ZSCAN5A: variants seen among roughly 807,000 people sequenced by gnomAD.
The protein encoded by ZSCAN5A is zinc finger and SCAN domain containing 5A.
A neutral mutation model predicts 23.7 loss-of-function variants in ZSCAN5A; 12 were observed. That is an observed-to-expected ratio of 0.51 (90% CI 0.32 to 0.82). ZSCAN5A has a LOEUF of 0.82. Among genes scored for constraint, ZSCAN5A ranks in the 40% least tolerant of loss-of-function variants. The pLI is 0.03. For missense variants in ZSCAN5A, 597 were observed against 617.9 expected, an observed-to-expected ratio of 0.97 and a Z score of 0.36; for synonymous variants, 257 against 239.9, an observed-to-expected ratio of 1.07 and a Z score of -0.66.
At chr19:56,250,317 A>C (rs2036248238) in intron 2 of ZSCAN5A, among the ~76,000 whole-genome samples, 1 of 152,206 alleles carries the variant, frequency 6.6e-6, no homozygotes, top group Non-Finnish European at 1.5e-5. Flanking sequence ...CAGGTTTAAA[A>C]AATTTTTCCA....
chr19:56,252,799 TG>T (rs1210052358), intron 2 of ZSCAN5A, among the ~76,000 whole-genome samples: 1 of 152,144 alleles, frequency 6.6e-6, no homozygotes, highest in African/African-American at 2.4e-5. Flanking sequence ...GGCAGCCTTC[TG>T]GGGTCCAGGG....
intron 2 of ZSCAN5A, among the ~76,000 whole-genome samples, chr19:56,244,727 G>C (rs548070693): frequency 3.1e-4 from 47 of 150,460 alleles, no homozygotes; most frequent in African/African-American, 1.1e-3. Flanking sequence ...GAGATGGACA[G>C]GCAGAGGGGG....
At chr19:56,320,975 G>T (rs2041369357) in intron 2 of ZSCAN5A, 9 of 727,672 alleles carry the variant, frequency 1.2e-5, no homozygotes, top group Admixed American at 7.1e-5. Context: ...AGCATTTAGG[G>T]TATCTTCGCC....
rs1158884342 is a variant in ZSCAN5A, at chr19:56,284,222, C to T, written c.-128+29061G>A. On this transcript the variant is annotated intron_variant, in intron 2 of 5. Transcript: ENST00000683990. ...GGGATCATAGGTAAGTACCTTGCCA[C>T]TTCACAATGCCCCCAGACTGTGCAC... 3 of 978,380 alleles carry T rather than the reference C, an allele frequency of 3.1e-6. No individual in the cohort carries two copies. The African/African-American group carries it at 5.3e-5, about 17-fold the overall frequency. 60.6% of individuals were successfully genotyped at this position (978,380 alleles called of 1,614,324 possible). A position where few individuals can be genotyped will look rare whatever the true frequency, so the allele number is the denominator to read the frequency against.
At chr19:56,333,529 C>T (rs563498590) in intron 2 of ZSCAN5A, among the ~76,000 whole-genome samples, 1 of 152,060 alleles carries the variant, frequency 6.6e-6, no homozygotes, top group East Asian at 1.9e-4. Context: ...TTTATCTCTT[C>T]CTTCATTTAC....
intron 2 of ZSCAN5A, among the ~76,000 whole-genome samples, chr19:56,326,809 A>G (rs2147431416): frequency 6.6e-6 from 1 of 152,308 alleles, no homozygotes; most frequent in Non-Finnish European, 1.5e-5. Flanking sequence ...TGCGCTGCTC[A>G]TAATCAATCA....
intron 2 of ZSCAN5A, among the ~76,000 whole-genome samples, chr19:56,285,263 T>C (rs1002635569): frequency 6.6e-6 from 1 of 152,226 alleles, no homozygotes; most frequent in African/African-American, 2.4e-5. Flanking sequence ...ATAAATAGCA[T>C]ATGCACATGG....
rs58270311 is a variant in ZSCAN5A at position 56,230,615 on chromosome 19, ATGTGTG to A, written c.-127-5448_-127-5443del. Among the ~76,000 whole-genome samples the A allele has an allele frequency of 3.6e-3, 532 of 147,660 alleles. 5 individuals carry two copies. Among genetic ancestry groups the A allele is most frequent in the African/African-American group, 0.011 (417 of 39,440 alleles). On this transcript the variant is annotated intron_variant, in intron 2 of 5. Coordinates refer to ENST00000683990, the MANE Select transcript of ZSCAN5A (RefSeq NM_001322064.3). ...CATCTGGCTTTCTTTTTATTTCTTG[ATGTGTG>A]TGTGTGTGTGTGTGTGTGTGTGTGT...
intron 2 of ZSCAN5A, among the ~76,000 whole-genome samples, chr19:56,358,480 G>C (rs1296367488): frequency 6.6e-6 from 1 of 150,658 alleles, no homozygotes; most frequent in Non-Finnish European, 1.5e-5. Flanking sequence ...ATAATAGCGG[G>C]AGACTTTAAT....
At chr19:56,257,844 C>T (rs1340433026) in intron 2 of ZSCAN5A, among the ~76,000 whole-genome samples, 1 of 133,382 alleles carries the variant, frequency 7.5e-6, no homozygotes, top group Admixed American at 7.4e-5. Context: ...ACACAGGCGC[C>T]GGGAGACTCT....
Position 56,221,610 on chromosome 19 carries a change from G to A in ZSCAN5A, c.1456C>T (p.His486Tyr), listed in dbSNP as rs2033168779. Residue 486 changes from histidine (H) to tyrosine (Y), a missense_variant, in exon 6 of 6, where the codon CAC (histidine) becomes TAC (tyrosine). Physicochemically the swap from His to Tyr is moderately conservative, Grantham distance 83 (BLOSUM62 2). Coordinates refer to ENST00000683990, the MANE Select transcript of ZSCAN5A (RefSeq NM_001322064.3). ...AFSRLKLLRR[H>Y]QKTHPEATSQ The stretch of plus-strand genomic sequence containing the variant: ...GTAGCTTCTGGATGTGTTTTCTGGT[G>A]GCGTCTTAACAATTTCAGCCGACTG... 6.2e-7 allele frequency: 1 copy of A among 1,608,816 alleles called. No homozygotes were observed. Among genetic ancestry groups the A allele is most frequent in the African/African-American group, 1.3e-5 (1 of 74,504 alleles).
At chr19:56,336,371 C>A (rs546902714) in intron 2 of ZSCAN5A, among the ~76,000 whole-genome samples, 111 of 152,258 alleles carry the variant, frequency 7.3e-4, no homozygotes, top group African/African-American at 2.6e-3. Context: ...TCCAGTTGAT[C>A]GCATCAGCTA....
At chr19:56,322,340 G>T in intron 2 of ZSCAN5A, 1 of 804,214 alleles carries the variant, frequency 1.2e-6, no homozygotes, top group Non-Finnish European at 2.2e-6. Flanking sequence ...CTCATTGTCT[G>T]CCGCCAGATC....
chr19:56,243,870 A>T (rs1195467895), intron 2 of ZSCAN5A, among the ~76,000 whole-genome samples: 2 of 151,962 alleles, frequency 1.3e-5, no homozygotes, highest in Non-Finnish European at 2.9e-5. Context: ...TTTGGAAGGG[A>T]TGGGTGGATA....
upstream of ZSCAN5A, among the ~76,000 whole-genome samples, chr19:56,318,450 C>T (rs983465522): frequency 4.6e-5 from 7 of 152,084 alleles, no homozygotes; most frequent in Admixed American, 3.3e-4. Context: ...CAATCTAGAA[C>T]AATAACCCAA....
At chr19:56,320,465 C>T (rs564890462) in intron 2 of ZSCAN5A, among the ~76,000 whole-genome samples, 1 of 152,128 alleles carries the variant, frequency 6.6e-6, no homozygotes, top group African/African-American at 2.4e-5. Context: ...GACCCAATCT[C>T]TACTAAAAAT....
At chr19:56,329,005 A>AAAAT (rs1555811865) in intron 2 of ZSCAN5A, among the ~76,000 whole-genome samples, 2 of 150,460 alleles carry the variant, frequency 1.3e-5, no homozygotes, top group African/African-American at 4.9e-5. Flanking sequence ...AAAAAAAAAA[A>AAAAT]AAAATAAATA....
chr19:56,265,377 A>G (rs762312145), intron 2 of ZSCAN5A, among the ~76,000 whole-genome samples: 1 of 148,206 alleles, frequency 6.7e-6, no homozygotes, highest in Non-Finnish European at 1.5e-5. Context: ...CCTATACTCT[A>G]TGTAAGTGGT....
At chr19:56,316,628 G>A (rs2041318790), upstream of ZSCAN5A, 1 of 152,852 alleles carries the variant, frequency 6.5e-6, no homozygotes, top group African/African-American at 2.4e-5. Flanking sequence ...CACTACCTTT[G>A]AGCCAGCCAG....
Sources: gnomAD v4.1 joint callset for allele counts (sites outside exome capture counted in the v4.1 genomes callset) on GRCh38, gnomAD v4.1.1 for gene constraint, MANE v1.5 for transcripts, NCBI Gene and HGNC (gene_info 2026-07-23, HGNC 2026-07-21) for gene names.